Variants in NEGR1 observed in about 807,000 individuals in gnomAD.
NEGR1 encodes neuronal growth regulator 1, also known as IgLON family member 4.
NEGR1 carries 10 observed loss-of-function variants against 40.9 expected under a neutral mutation model. The ratio of observed to expected loss-of-function variants is 0.24; its 90% CI spans 0.15 to 0.42. NEGR1 has a LOEUF of 0.42. NEGR1 is among the 10% of genes least tolerant of loss of function. The probability of loss-of-function intolerance (pLI) is 1.00; values close to 1 mark genes in which losing one functional copy is unlikely to be tolerated. For synonymous variants in NEGR1, 185 were observed against 166.8 expected (o/e 1.11, Z -0.84); for missense variants, 352 against 438.9 (o/e 0.80, Z 1.77).
intron 4 of NEGR1, among the ~76,000 whole-genome samples, chr1:71,635,764 G>T (rs566392979): frequency 2.6e-5 from 4 of 152,132 alleles, no homozygotes; most frequent in African/African-American, 9.6e-5. Context: ...AGAGGAGAAA[G>T]CTAGCCTGGG....
At chr1:71,550,966 A>G (rs1648057328) in intron 6 of NEGR1, among the ~76,000 whole-genome samples, 2 of 151,602 alleles carry the variant, frequency 1.3e-5, no homozygotes, top group Non-Finnish European at 1.5e-5. Flanking sequence ...CATCATGGGC[A>G]TTATGTTGTC....
chr1:71,831,912 G>A (rs142550262), intron 2 of NEGR1, among the ~76,000 whole-genome samples: 55 of 152,012 alleles, frequency 3.6e-4, no homozygotes, highest in African/African-American at 1.2e-3. Context: ...GAAGTAGGGA[G>A]TACTGACTAG....
intron 3 of NEGR1, among the ~76,000 whole-genome samples, chr1:71,772,367 G>C (rs1367245431): frequency 1.3e-5 from 2 of 151,890 alleles, no homozygotes; most frequent in African/African-American, 4.8e-5. Context: ...TCACACCACT[G>C]CACTCTAGTC....
intron 1 of NEGR1, among the ~76,000 whole-genome samples, chr1:72,151,831 T>C (rs1393872791): frequency 6.6e-6 from 1 of 151,876 alleles, no homozygotes; most frequent in Non-Finnish European, 1.5e-5. Context: ...GATCAATTCA[T>C]TCATAATATA....
chr1:71,573,013 G>A (rs1488730272), intron 6 of NEGR1, among the ~76,000 whole-genome samples: 1 of 152,118 alleles, frequency 6.6e-6, no homozygotes, highest in African/African-American at 2.4e-5. Flanking sequence ...TTAGGATAAG[G>A]GTTTTGCAGA....
chr1:72,113,518 G>A (rs1393992355), intron 1 of NEGR1, among the ~76,000 whole-genome samples: 2 of 151,476 alleles, frequency 1.3e-5, no homozygotes. Flanking sequence ...TTAGAAATAT[G>A]TGTTTGTGTG....
At chr1:71,873,526 T>A (rs1248832716) in intron 2 of NEGR1, among the ~76,000 whole-genome samples, 1 of 152,162 alleles carries the variant, frequency 6.6e-6, no homozygotes, top group African/African-American at 2.4e-5. Context: ...GAAAATGACA[T>A]CTTCCCTAAT....
intron 3 of NEGR1, 70 bp downstream of exon 3, chr1:71,776,102 C>A (rs750885808): frequency 1.2e-4 from 147 of 1,185,582 alleles, no homozygotes; most frequent in Non-Finnish European, 1.6e-4. Context: ...AAGTTCTGAA[C>A]AAGTGAGGTT....
chr1:71,805,071 G>C (rs1657707239), intron 2 of NEGR1, among the ~76,000 whole-genome samples: 1 of 152,142 alleles, frequency 6.6e-6, no homozygotes, highest in Non-Finnish European at 1.5e-5. Flanking sequence ...ATAAGCTCCA[G>C]TCTCCCTTAG....
chr1:71,502,945 G>A (rs1647008843), intron 6 of NEGR1, among the ~76,000 whole-genome samples: 1 of 152,148 alleles, frequency 6.6e-6, no homozygotes, highest in African/African-American at 2.4e-5. Flanking sequence ...CTAGTAGGGA[G>A]GGTTGAGTAC....
intron 3 of NEGR1, among the ~76,000 whole-genome samples, chr1:71,764,151 G>A (rs536846768): frequency 1.8e-4 from 28 of 152,250 alleles, no homozygotes; most frequent in African/African-American, 6.5e-4. Context: ...TTCCCGGGAA[G>A]TTTTGGAATG....
intron 4 of NEGR1, chr1:71,697,800 A>T: frequency 1.8e-6 from 1 of 548,524 alleles, no homozygotes; most frequent in Non-Finnish European, 3.2e-6. Flanking sequence ...CATACATCAG[A>T]CTGAATTATT....
At chr1:72,166,624 C>T (rs1373200948) in intron 1 of NEGR1, among the ~76,000 whole-genome samples, 1 of 151,936 alleles carries the variant, frequency 6.6e-6, no homozygotes, top group Non-Finnish European at 1.5e-5. Context: ...TCTGTCATTT[C>T]CTGGAGGACA....
At chr1:72,188,101 C>G (rs1249206317) in intron 1 of NEGR1, among the ~76,000 whole-genome samples, 1 of 151,418 alleles carries the variant, frequency 6.6e-6, no homozygotes, top group Non-Finnish European at 1.5e-5. Flanking sequence ...AAATGCTGAT[C>G]TCTTTACTCT....
At chr1:71,991,951 C>G (rs1011929612) in intron 1 of NEGR1, among the ~76,000 whole-genome samples, 2 of 152,048 alleles carry the variant, frequency 1.3e-5, no homozygotes, top group South Asian at 2.1e-4. Flanking sequence ...ACTGCCACAC[C>G]TGGCTAATTT....
chr1:71,613,202 C>T (rs186184818), intron 4 of NEGR1, among the ~76,000 whole-genome samples: 201 of 152,102 alleles, frequency 1.3e-3, no homozygotes, highest in Non-Finnish European at 2.5e-3. Context: ...GGAAAGTTAT[C>T]GGGCTTGTGG....
intron 2 of NEGR1, among the ~76,000 whole-genome samples, chr1:71,838,733 A>G (rs974874026): frequency 2.6e-5 from 4 of 152,142 alleles, no homozygotes; most frequent in African/African-American, 7.2e-5. Flanking sequence ...CAGATGAGAG[A>G]GTATATCAAG....
intron 1 of NEGR1, among the ~76,000 whole-genome samples, chr1:72,257,321 C>CA (rs34220734): frequency 0.13 from 7,143 of 56,592 alleles, 687 homozygotes; most frequent in Non-Finnish European, 0.16. Flanking sequence ...GACTCTGTCT[C>CA]AAAAAAAAAA....
At chr1:71,983,732 A>T (rs1646372470) in intron 1 of NEGR1, among the ~76,000 whole-genome samples, 1 of 152,214 alleles carries the variant, frequency 6.6e-6, no homozygotes, top group Non-Finnish European at 1.5e-5. Flanking sequence ...GGACAAAGGG[A>T]TGCATACATG....
Sources: allele counts gnomAD v4.1 joint callset (sites outside exome capture counted in the v4.1 genomes callset), GRCh38; gene constraint gnomAD v4.1.1; transcripts MANE v1.5; gene names NCBI Gene and HGNC (gene_info 2026-07-23, HGNC 2026-07-21).